The following CDIN1 variants were observed in gnomAD, a reference collection of about 807,000 sequenced individuals.
CDIN1 encodes CDAN1 interacting nuclease 1.
In CDIN1, 33 loss-of-function variants were observed where a neutral mutation model predicts 45.3. The observed-to-expected ratio is 0.73, with a 90% confidence interval of 0.55 to 0.97. The LOEUF (loss-of-function observed/expected upper bound fraction) is 0.97. Ranked by LOEUF, CDIN1 falls within the 50% of genes least tolerant of loss-of-function variation. CDIN1 has a pLI of 0.00. For synonymous variants in CDIN1, 118 were observed against 124.4 expected (o/e 0.95, Z 0.34); for missense variants, 303 against 339.4 (o/e 0.89, Z 0.84).
At chr15:36,682,898 C>G (rs1392510695) in intron 5 of CDIN1, among the ~76,000 whole-genome samples, 1 of 150,534 alleles carries the variant, frequency 6.6e-6, no homozygotes, top group Admixed American at 6.6e-5. Flanking sequence ...GTATTACAAA[C>G]AAGATTGTTG....
chr15:36,785,849 A>G (rs565866474), intron 10 of CDIN1, among the ~76,000 whole-genome samples: 2 of 151,902 alleles, frequency 1.3e-5, no homozygotes, highest in South Asian at 4.2e-4. Flanking sequence ...TTGGCTTGAC[A>G]CACACTGTAC....
intron 1 of CDIN1, 99 bp from the exon 2 acceptor site, chr15:36,644,179 G>A: frequency 3.6e-6 from 4 of 1,116,190 alleles, no homozygotes; most frequent in Non-Finnish European, 5.3e-6. Flanking sequence ...TGTTCTGTTA[G>A]ATTACAGGGC....
intron 7 of CDIN1, among the ~76,000 whole-genome samples, chr15:36,694,006 T>C (rs964843749): frequency 6.6e-6 from 1 of 152,254 alleles, no homozygotes; most frequent in African/African-American, 2.4e-5. Context: ...GACTAGGTTA[T>C]AATTTTTGCA....
intron 1 of CDIN1, among the ~76,000 whole-genome samples, chr15:36,606,025 T>G (rs761019867): frequency 6.8e-6 from 1 of 146,098 alleles, no homozygotes; most frequent in African/African-American, 2.5e-5. Context: ...GGACAAGGAG[T>G]TTTTTTTTTG....
intron 5 of CDIN1, among the ~76,000 whole-genome samples, chr15:36,659,161 C>A (rs1482822017): frequency 6.6e-6 from 1 of 152,018 alleles, no homozygotes; most frequent in East Asian, 1.9e-4. Flanking sequence ...GTAGACTGGC[C>A]TATATAGAGC....
At chr15:36,629,235 G>A (rs1487321774) in intron 1 of CDIN1, among the ~76,000 whole-genome samples, 1 of 152,196 alleles carries the variant, frequency 6.6e-6, no homozygotes, top group Non-Finnish European at 1.5e-5. Flanking sequence ...ACTAAAGTGT[G>A]TGACCATGGT....
intron 2 of CDIN1, among the ~76,000 whole-genome samples, chr15:36,645,022 C>G (rs981589866): frequency 3.9e-5 from 6 of 152,052 alleles, no homozygotes; most frequent in Admixed American, 1.3e-4. Flanking sequence ...TGAAGACATC[C>G]CAGCCAAGCA....
At chr15:36,634,994 T>C (rs1413121285) in intron 1 of CDIN1, among the ~76,000 whole-genome samples, 1 of 152,238 alleles carries the variant, frequency 6.6e-6, no homozygotes, top group Non-Finnish European at 1.5e-5. Flanking sequence ...TGATGCAGTC[T>C]AGTCAAGTCC....
chr15:36,626,243 A>G (rs563171194), intron 1 of CDIN1, among the ~76,000 whole-genome samples: 1 of 151,894 alleles, frequency 6.6e-6, no homozygotes, highest in South Asian at 2.1e-4. Flanking sequence ...GAATCAGGGA[A>G]GGCCTTATAT....
intron 1 of CDIN1, chr15:36,618,290 G>T (rs1595751456): frequency 3.0e-6 from 2 of 666,410 alleles, no homozygotes. Context: ...CAATTGAACA[G>T]ATCTAGTTCA....
chr15:36,698,634 C>T (rs1176694378), intron 8 of CDIN1, among the ~76,000 whole-genome samples: 1 of 152,176 alleles, frequency 6.6e-6, no homozygotes, highest in East Asian at 1.9e-4. Context: ...TATTGTGAAA[C>T]ATCCGATCAC....
chr15:36,626,134 T>G (rs551581371), intron 1 of CDIN1, among the ~76,000 whole-genome samples: 2 of 151,614 alleles, frequency 1.3e-5, no homozygotes, highest in South Asian at 2.1e-4. Context: ...TATTATGTGA[T>G]ATATATAATT....
At chr15:36,619,618 G>T (rs2039070240) in intron 1 of CDIN1, among the ~76,000 whole-genome samples, 1 of 151,024 alleles carries the variant, frequency 6.6e-6, no homozygotes, top group African/African-American at 2.4e-5. Flanking sequence ...TGAGGGTTCA[G>T]TTTCAGCTTG....
intron 10 of CDIN1, among the ~76,000 whole-genome samples, chr15:36,722,278 G>T (rs2043447640): frequency 6.9e-6 from 1 of 144,546 alleles, no homozygotes; most frequent in South Asian, 2.2e-4. Flanking sequence ...GTACTGTGCA[G>T]TCCTTCAGGT....
At chr15:36,644,467 G>A (rs958116952) in intron 2 of CDIN1, 144 bp downstream of exon 2, 16 of 782,024 alleles carry the variant, frequency 2.0e-5, no homozygotes, top group African/African-American at 7.1e-5. Context: ...CCTGCGTCTC[G>A]GTGGAGGCCT....
intron 10 of CDIN1, among the ~76,000 whole-genome samples, chr15:36,774,169 C>T (rs1310492483): frequency 7.6e-6 from 1 of 130,752 alleles, no homozygotes; most frequent in African/African-American, 4.3e-5. Context: ...TGTGTGCGCG[C>T]GCGCGCATGC....
chr15:36,617,627 C>T (rs1269310162), intron 1 of CDIN1: 2 of 771,300 alleles, frequency 2.6e-6, no homozygotes, highest in Non-Finnish European at 4.8e-6. Flanking sequence ...TTAAGTTCTT[C>T]TCCCATGGTA....
At chr15:36,796,906 T>G (rs1172915089) in intron 10 of CDIN1, among the ~76,000 whole-genome samples, 1 of 152,250 alleles carries the variant, frequency 6.6e-6, no homozygotes, top group Non-Finnish European at 1.5e-5. Flanking sequence ...GCATTTCCCT[T>G]TTGCTGAGCT....
intron 10 of CDIN1, among the ~76,000 whole-genome samples, chr15:36,794,035 A>G (rs930756491): frequency 6.8e-6 from 1 of 147,524 alleles, no homozygotes; most frequent in Non-Finnish European, 1.5e-5. Flanking sequence ...AAAACCCCAC[A>G]TAATATTAAA....
Sources: gnomAD v4.1 joint callset for allele counts (sites outside exome capture counted in the v4.1 genomes callset) on GRCh38, gnomAD v4.1.1 for gene constraint, MANE v1.5 for transcripts, NCBI Gene and HGNC (gene_info 2026-07-23, HGNC 2026-07-21) for gene names.